FAM149A: variants seen among roughly 807,000 people sequenced by gnomAD.
FAM149A encodes the protein family with sequence similarity 149 member A, also known as protein FAM149A.
FAM149A carries 71 observed loss-of-function variants against 78.2 expected under a neutral mutation model. The observed-to-expected ratio is 0.91, with a 90% CI of 0.75 to 1.11. FAM149A has a LOEUF of 1.11. Among genes scored for constraint, FAM149A ranks in the 50% least tolerant of loss-of-function variants. The pLI is 0.00. For synonymous variants in FAM149A, 446 were observed against 410.5 expected, an observed-to-expected ratio of 1.09 and a Z score of -1.04; for missense variants, 1,036 against 971.0, an observed-to-expected ratio of 1.07 and a Z score of -0.89.
At chr4:186,153,318 A>C in intron 4 of FAM149A, 1 of 922,726 alleles carries the variant, frequency 1.1e-6, no homozygotes, top group Non-Finnish European at 1.3e-6. Flanking sequence ...CTTTGTGCCC[A>C]GTGTTGCCTT....
At chr4:186,137,014 CTCTCTA>C (rs2099323623) in intron 1 of FAM149A, among the ~76,000 whole-genome samples, 2 of 127,324 alleles carry the variant, frequency 1.6e-5, no homozygotes, top group African/African-American at 5.9e-5. Context: ...CTCTCTCTCT[CTCTCTA>C]AGTGCTTAAA....
intron 8 of FAM149A, among the ~76,000 whole-genome samples, chr4:186,159,474 G>C (rs1190802789): frequency 1.3e-5 from 2 of 152,040 alleles, no homozygotes; most frequent in Non-Finnish European, 2.9e-5. Context: ...TGAGTTTAGG[G>C]GATAAGAAAC....
intron 1 of FAM149A, among the ~76,000 whole-genome samples, chr4:186,111,259 A>C (rs934621213): frequency 6.6e-6 from 1 of 151,500 alleles, no homozygotes; most frequent in African/African-American, 2.4e-5. Context: ...TTTTTCTTGT[A>C]AATTTGTTGG....
chr4:186,118,264 G>T (rs2099314548), intron 1 of FAM149A: 1 of 982,692 alleles, frequency 1.0e-6, no homozygotes, highest in African/African-American at 1.7e-5. Context: ...GAAATGAGGA[G>T]CGTCTCCTTT....
intron 1 of FAM149A, among the ~76,000 whole-genome samples, chr4:186,135,012 C>T (rs1056148765): frequency 6.6e-6 from 1 of 152,168 alleles, no homozygotes; most frequent in Non-Finnish European, 1.5e-5. Flanking sequence ...AAGTGCCATC[C>T]TGGGCCGCAG....
At chr4:186,149,794 T>C (rs1733325581) in intron 3 of FAM149A, 90 bp downstream of exon 3, 1 of 946,912 alleles carries the variant, frequency 1.1e-6, no homozygotes, top group Non-Finnish European at 1.4e-6. Flanking sequence ...TTACCAATTA[T>C]AAAAGCATGA....
chr4:186,143,597 AGTGG>A (rs1732729012), intron 1 of FAM149A, among the ~76,000 whole-genome samples: 1 of 151,924 alleles, frequency 6.6e-6, no homozygotes, highest in South Asian at 2.1e-4. Flanking sequence ...CCCAGCCTGG[AGTGG>A]GTGGGGCGAT....
intron 1 of FAM149A, chr4:186,132,339 A>G: frequency 1.8e-6 from 1 of 565,602 alleles, no homozygotes; most frequent in Non-Finnish European, 2.2e-6. Flanking sequence ...ATGCAGAGAT[A>G]AACAGTGGGC....
At chr4:186,141,072 GA>G (rs918979392) in intron 1 of FAM149A, among the ~76,000 whole-genome samples, 2 of 152,188 alleles carry the variant, frequency 1.3e-5, no homozygotes, top group Non-Finnish European at 2.9e-5. Flanking sequence ...TTGTGGCTTT[GA>G]TTTGCATTTC....
intron 8 of FAM149A, among the ~76,000 whole-genome samples, chr4:186,159,914 AACAC>A (rs557318081): frequency 1.3e-5 from 2 of 149,498 alleles, no homozygotes; most frequent in African/African-American, 5.0e-5. Context: ...CATGTCAAAC[AACAC>A]ACACACACAC....
intron 8 of FAM149A, chr4:186,160,681 CCTT>C (rs1161804441): frequency 9.9e-5 from 50 of 502,690 alleles, no homozygotes; most frequent in Non-Finnish European, 1.1e-4. Flanking sequence ...TACACACACA[CCTT>C]CACACATACC....
At chr4:186,116,188 C>A (rs1345348424) in intron 1 of FAM149A, among the ~76,000 whole-genome samples, 3 of 117,448 alleles carry the variant, frequency 2.6e-5, no homozygotes, top group Admixed American at 8.9e-5. Context: ...TTCTTTGACT[C>A]CGCAAGGGAA....
intron 1 of FAM149A, chr4:186,110,361 T>TCAGGGATGAACGGTGGCA: frequency 1.0e-6 from 1 of 975,006 alleles, no homozygotes; most frequent in Non-Finnish European, 1.2e-6. Flanking sequence ...GAACGGTGGC[T>TCAGGGATGAACGGTGGCA]CAGTGTACAA....
At chr4:186,160,673 C>G in intron 8 of FAM149A, 1 of 427,512 alleles carries the variant, frequency 2.3e-6, no homozygotes, top group Non-Finnish European at 3.1e-6. Flanking sequence ...CCCACACATA[C>G]ACACACACCT....
chr4:186,105,373 T>C lies in FAM149A; in HGVS notation c.297T>C (p.Ser99=). Residue 99 remains serine (S), a synonymous_variant, in exon 1 of 14, where the codon AGT becomes AGC. Transcript: ENST00000389354. ...TGGGGACCCTGCTCTCTTGGCCCAG[T>C]AGCCCTAGAGCGGGTAAAGCCCCGC... 2.5e-6 allele frequency: 3 copies of C among 1,188,148 alleles called. No homozygotes were observed. The highest frequency in any genetic ancestry group is 2.1e-6 in the Non-Finnish European group (2 of 947,570). 73.6% of individuals were successfully genotyped at this position (1,188,148 alleles called of 1,614,324 possible). A position where few individuals can be genotyped will look rare whatever the true frequency, so the allele number is the denominator to read the frequency against.
chr4:186,152,197 C>T (rs2126471769), intron 4 of FAM149A, 152 bp downstream of exon 4: 1 of 723,666 alleles, frequency 1.4e-6, no homozygotes, highest in East Asian at 2.7e-5. Flanking sequence ...GATCACTTTC[C>T]TCTTACGGCG....
At position 186,149,669 on chromosome 4, in the gene FAM149A, A is replaced by G; in HGVS notation, c.754A>G (p.Thr252Ala). Residue 252 changes from threonine to alanine, a missense_variant, in exon 3 of 14, where the codon ACG (threonine) becomes GCG (alanine). Physicochemically the swap from Thr to Ala is moderately conservative, Grantham distance 58. Transcript: ENST00000389354. ...ACAGAGCTCTACCACCGGCTCATCCACGGAGAGGGGCTCCGTTTATTCCTG... is the reference window on the plus strand; with the variant it reads ...ACAGAGCTCTACCACCGGCTCATCCGCGGAGAGGGGCTCCGTTTATTCCTG... 4 of 1,289,520 alleles carry G rather than the reference A, an allele frequency of 3.1e-6. No individual in the cohort carries two copies. Among genetic ancestry groups the G allele is most frequent in the Non-Finnish European group, 4.0e-6 (4 of 988,744 alleles). The allele number at this position is 1,289,520 out of a possible 1,614,324, so 79.9% of individuals were successfully genotyped here. A position where few individuals can be genotyped will look rare whatever the true frequency, so the allele number is the denominator to read the frequency against.
rs1397169984 is a variant in FAM149A at position 186,136,984 on chromosome 4, C to CTT, written c.567-12188_567-12187insTT. On this transcript the variant is annotated intron_variant, in intron 1 of 13. Coordinates refer to ENST00000389354, the MANE Select transcript of FAM149A (RefSeq NM_001367768.3). ...TCTCTTTCTCTCTCTCTTTCTCTCT[C>CTT]TCTCTCTCTCTCTCTCTCTCTCTCT... Among the ~76,000 whole-genome samples the CTT allele has an allele frequency of 7.9e-4, 95 of 120,816 alleles. 1 individual carries two copies. Among genetic ancestry groups the CTT allele is most frequent in the African/African-American group, 2.9e-3 (89 of 30,958 alleles). 79.3% of individuals were successfully genotyped at this position (120,816 alleles called of 152,430 possible). A position where few individuals can be genotyped will look rare whatever the true frequency, so the allele number is the denominator to read the frequency against.
At chr4:186,151,234 C>G (rs549917277) in intron 3 of FAM149A, among the ~76,000 whole-genome samples, 1 of 152,298 alleles carries the variant, frequency 6.6e-6, no homozygotes, top group East Asian at 1.9e-4. Context: ...CACCATCCCT[C>G]AAGCCCGCCT....
Sources: gnomAD v4.1 joint callset for allele counts (sites outside exome capture counted in the v4.1 genomes callset) on GRCh38, gnomAD v4.1.1 for gene constraint, MANE v1.5 for transcripts, NCBI Gene and HGNC (gene_info 2026-07-23, HGNC 2026-07-21) for gene names.